Variants in AGBL1 observed in about 807,000 individuals in gnomAD.
The protein encoded by AGBL1 is cytosolic carboxypeptidase 4.
AGBL1 carries 130 observed loss-of-function variants against 118.9 expected under a neutral mutation model. That is an observed-to-expected ratio of 1.09 (90% CI 0.95 to 1.26). AGBL1 has a LOEUF of 1.26. AGBL1 is among the 50% of genes most tolerant of loss of function. AGBL1 has a pLI of 0.00. For missense variants in AGBL1, 1,584 were observed against 1,298.1 expected, an observed-to-expected ratio of 1.22 and a Z score of -3.38; for synonymous variants, 555 against 478.9, an observed-to-expected ratio of 1.16 and a Z score of -2.08.
intron 18 of AGBL1, among the ~76,000 whole-genome samples, chr15:86,519,832 G>A (rs2083164475): frequency 6.6e-6 from 1 of 152,210 alleles, no homozygotes; most frequent in Non-Finnish European, 1.5e-5. Flanking sequence ...AGTTCTGTAT[G>A]TCTCACATTG....
At chr15:86,496,933 G>A (rs570232554) in intron 18 of AGBL1, among the ~76,000 whole-genome samples, 8 of 151,940 alleles carry the variant, frequency 5.3e-5, no homozygotes, top group Middle Eastern at 3.4e-3. Flanking sequence ...ATATACTTAC[G>A]GTGTACGACA....
chr15:86,978,170 G>A (rs1454746696), intron 23 of AGBL1, among the ~76,000 whole-genome samples: 2 of 152,072 alleles, frequency 1.3e-5, no homozygotes, highest in East Asian at 3.9e-4. Context: ...TTACAAGTAA[G>A]TCAACACACA....
chr15:86,156,598 T>C (rs1190973251), intron 4 of AGBL1, among the ~76,000 whole-genome samples: 1 of 152,126 alleles, frequency 6.6e-6, no homozygotes, highest in Non-Finnish European at 1.5e-5. Context: ...AGAATGTTCA[T>C]GGGCATGTTC....
chr15:86,889,329 A>G (rs1019312325), intron 22 of AGBL1, among the ~76,000 whole-genome samples: 4 of 113,040 alleles, frequency 3.5e-5, no homozygotes, highest in African/African-American at 1.4e-4. Flanking sequence ...ATTTCTTTCC[A>G]GATGCTCTGA....
chr15:87,010,949 C>A (rs2081553304), intron 24 of AGBL1, among the ~76,000 whole-genome samples: 1 of 152,142 alleles, frequency 6.6e-6, no homozygotes, highest in African/African-American at 2.4e-5. Context: ...ATGAAAAGAT[C>A]AAACAGAGAC....
chr15:87,009,273 G>A (rs548754589), intron 24 of AGBL1, among the ~76,000 whole-genome samples: 3 of 152,244 alleles, frequency 2.0e-5, no homozygotes, highest in East Asian at 1.9e-4. Context: ...GACTAAAAGG[G>A]GCCAATGTAC....
chr15:86,720,876 C>T (rs1449774512), intron 22 of AGBL1, among the ~76,000 whole-genome samples: 7 of 152,296 alleles, frequency 4.6e-5, no homozygotes, highest in African/African-American at 1.7e-4. Context: ...AACACCTCTA[C>T]ACAAATAAAC....
At chr15:86,780,101 T>C (rs1031328648) in intron 22 of AGBL1, among the ~76,000 whole-genome samples, 2 of 152,240 alleles carry the variant, frequency 1.3e-5, no homozygotes, top group African/African-American at 4.8e-5. Flanking sequence ...TTTAAACCTC[T>C]ATTGTCTTAC....
intron 23 of AGBL1, among the ~76,000 whole-genome samples, chr15:86,944,918 C>T (rs74976794): frequency 5.9e-5 from 9 of 152,210 alleles, no homozygotes; most frequent in East Asian, 3.9e-4. Context: ...AGTAGGACAA[C>T]GGCTGTAAAC....
chr15:87,026,198 C>G (rs1358654973), intron 24 of AGBL1, among the ~76,000 whole-genome samples: 1 of 151,870 alleles, frequency 6.6e-6, no homozygotes, highest in Non-Finnish European at 1.5e-5. Flanking sequence ...GCAAAAGGAA[C>G]AGTTAGCAGA....
At chr15:86,650,194 T>C (rs2085347204) in intron 21 of AGBL1, among the ~76,000 whole-genome samples, 2 of 152,168 alleles carry the variant, frequency 1.3e-5, no homozygotes, top group African/African-American at 4.8e-5. Context: ...AGTAACAGAA[T>C]CCCTTTCCCT....
intron 24 of AGBL1, among the ~76,000 whole-genome samples, chr15:87,004,704 G>T (rs1488294796): frequency 6.6e-6 from 1 of 152,114 alleles, no homozygotes; most frequent in Non-Finnish European, 1.5e-5. Context: ...GGTTAATATT[G>T]TTATCTGTGA....
intron 23 of AGBL1, among the ~76,000 whole-genome samples, chr15:86,951,490 T>C (rs916558642): frequency 2.0e-5 from 3 of 152,180 alleles, no homozygotes; most frequent in Non-Finnish European, 4.4e-5. Context: ...AAATTCTATA[T>C]AGTAACAAAG....
intron 24 of AGBL1, among the ~76,000 whole-genome samples, chr15:87,008,254 G>A (rs1224009216): frequency 6.6e-6 from 1 of 152,202 alleles, no homozygotes; most frequent in African/African-American, 2.4e-5. Context: ...GAGGGACCCA[G>A]TGGGAGGTGA....
intron 17 of AGBL1, among the ~76,000 whole-genome samples, chr15:86,358,388 C>G (rs1048960365): frequency 3.3e-5 from 5 of 151,954 alleles, no homozygotes; most frequent in African/African-American, 1.2e-4. Flanking sequence ...GAATAATATT[C>G]TCTTATATAT....
intron 21 of AGBL1, among the ~76,000 whole-genome samples, chr15:86,625,831 A>T (rs982011335): frequency 1.4e-4 from 21 of 152,194 alleles, no homozygotes; most frequent in Admixed American, 1.2e-3. Context: ...GAATCCAGCC[A>T]TGCCAATATC....
intron 19 of AGBL1, among the ~76,000 whole-genome samples, chr15:86,539,893 T>C (rs957332697): frequency 3.9e-5 from 6 of 152,220 alleles, no homozygotes; most frequent in African/African-American, 1.2e-4. Flanking sequence ...TCTTCTCTTA[T>C]GGTAATACAA....
chr15:86,106,407 G>C (rs969478265), intron 1 of AGBL1, among the ~76,000 whole-genome samples: 5 of 152,212 alleles, frequency 3.3e-5, no homozygotes, highest in Non-Finnish European at 7.3e-5. Context: ...CCTACCTTGA[G>C]TCCTAATGAG....
intron 22 of AGBL1, among the ~76,000 whole-genome samples, chr15:86,757,031 T>C (rs771358435): frequency 1.3e-5 from 2 of 151,676 alleles, no homozygotes; most frequent in Non-Finnish European, 2.9e-5. Context: ...GAGACTGTCA[T>C]ATATTGGCTT....
Sources: gnomAD v4.1 joint callset for allele counts (sites outside exome capture counted in the v4.1 genomes callset) on GRCh38, gnomAD v4.1.1 for gene constraint, MANE v1.5 for transcripts, NCBI Gene and HGNC (gene_info 2026-07-23, HGNC 2026-07-21) for gene names.